The following RBMX2 variants were observed in gnomAD, a reference collection of about 807,000 sequenced individuals.
RBMX2 encodes RNA binding motif protein X-linked 2, also known as RNA-binding motif protein, X-linked 2.
For synonymous variants in RBMX2, 77 were observed against 94.3 expected, an observed-to-expected ratio of 0.82 and a Z score of 1.07; for missense variants, 191 against 256.0, an observed-to-expected ratio of 0.75 and a Z score of 1.73.
In RBMX2 at chrX:130,412,811, G is replaced by A. The variant is rs751656861; in HGVS notation, c.932G>A (p.Arg311Gln). Residue 311 changes from arginine (R) to glutamine (Q), a missense_variant, in exon 6 of 6, where the codon CGG (arginine) becomes CAG (glutamine). Coordinates refer to ENST00000305536, the MANE Select transcript of RBMX2 (RefSeq NM_016024.4). ...RHKRARRSRE[R>Q]ESSNPSDRWR... ...AAAAGGGCCCGACGCTCCCGGGAGC[G>A]GGAGTCTTCGAATCCCAGTGACCGT... The A allele has an allele frequency of 1.1e-5, 13 of 1,208,220 alleles. No individual in the cohort carries two copies. Among genetic ancestry groups the A allele is most frequent in the East Asian group, 8.9e-5 (3 of 33,735 alleles).
intron 3 of RBMX2, among the ~76,000 whole-genome samples, chrX:130,405,160 C>T (rs5977262): frequency 0.11 from 12,305 of 110,867 alleles, 1,713 homozygotes; most frequent in African/African-American, 0.38. Context: ...GGGCAGATCA[C>T]CTGAGGTCAG....
At position 130,412,965 on chromosome X, in the gene RBMX2, C is replaced by T; in HGVS notation, c.*117C>T. On this transcript the variant is annotated 3_prime_UTR_variant, in exon 6 of 6. Coordinates refer to ENST00000305536, the MANE Select transcript of RBMX2 (RefSeq NM_016024.4). ...TTCTGGGGCTGGATTCTTTTAATCC[C>T]TTGACTATTTAGAGTCATTGGGAGG... is the stretch of plus-strand genomic sequence containing the variant. 1.3e-6 allele frequency: 1 copy of T among 781,885 alleles called. No individual in the cohort carries two copies. Among genetic ancestry groups the T allele is most frequent in the African/African-American group, 2.1e-5 (1 of 47,267 alleles). 64.4% of individuals were successfully genotyped at this position (781,885 alleles called of 1,213,427 possible).
intron 2 of RBMX2, 91 bp downstream of exon 2, chrX:130,402,461 AC>A: frequency 9.0e-7 from 1 of 1,117,010 alleles, no homozygotes; most frequent in African/African-American, 1.8e-5. Flanking sequence ...ACTCCTGCTT[AC>A]ATTCATCGCC....
Position 130,409,362 on chromosome X carries a change from C to G in RBMX2, c.279C>G (p.Ala93=), listed in dbSNP as rs779160357. ...AAGACCAGAGGAGCACAATTCTGGC[C>G]GTCGACAATTTTAATGGGATCAAGG... The part of the protein sequence containing the change: ...CYEDQRSTIL[A]VDNFNGIKIK... Residue 93 remains alanine (A), a synonymous_variant, in exon 4 of 6, where the codon GCC becomes GCG. Transcript: ENST00000305536. The G allele has an allele frequency of 8.3e-7, 1 of 1,207,919 alleles. No individual in the cohort carries two copies. Among genetic ancestry groups the G allele is most frequent in the Non-Finnish European group, 1.1e-6 (1 of 893,831 alleles).
intron 3 of RBMX2, among the ~76,000 whole-genome samples, chrX:130,405,117 G>A (rs111869169): frequency 0.06 from 6,692 of 111,811 alleles, 529 homozygotes; most frequent in African/African-American, 0.2. Flanking sequence ...GGTGGCTCAC[G>A]CTTGTAATCC....
intron 3 of RBMX2, chrX:130,404,212 C>A: frequency 5.0e-6 from 1 of 200,795 alleles, no homozygotes. Context: ...ACCTGTGTGG[C>A]GTCATACGAT....
intron 3 of RBMX2, 36 bp downstream of exon 3, chrX:130,403,889 C>T (rs2034469910): frequency 1.7e-6 from 2 of 1,173,164 alleles, no homozygotes; most frequent in Non-Finnish European, 2.3e-6. Flanking sequence ...CCTGAGTCGA[C>T]AGAGTACTTT....
rs1382102275 is a variant in RBMX2, at chrX:130,413,268, G to T, written c.*420G>T. The stretch of plus-strand genomic sequence containing the variant: ...GGGATAGGATTTTTAAAATCAGCCA[G>T]CTCCATGCCCAAACCTTCCTGTTTG... On this transcript the variant is annotated 3_prime_UTR_variant, in exon 6 of 6. Transcript: ENST00000305536. 1 of 113,009 alleles carries T rather than the reference G, an allele frequency of 8.8e-6. No homozygotes were observed. Among genetic ancestry groups the T allele is most frequent in the African/African-American group, 3.2e-5 (1 of 30,859 alleles). The allele number at this position is 113,009 out of a possible 1,213,427, so 9.3% of individuals were successfully genotyped here.
intron 5 of RBMX2, 128 bp downstream of exon 5, chrX:130,411,653 G>A: frequency 1.5e-6 from 1 of 646,290 alleles, no homozygotes; most frequent in African/African-American, 2.2e-5. Flanking sequence ...GTTTAATTGG[G>A]AAAGCAGGGA....
At chrX:130,410,749 C>T (rs1603271813) in intron 4 of RBMX2, among the ~76,000 whole-genome samples, 1 of 112,075 alleles carries the variant, frequency 8.9e-6, no homozygotes, top group Non-Finnish European at 1.9e-5. Context: ...CAAGAATCAG[C>T]GTGAGCTGAT....
intron 3 of RBMX2, 25 bp downstream of exon 3, chrX:130,403,878 T>C: frequency 8.4e-7 from 1 of 1,191,889 alleles, no homozygotes. Flanking sequence ...ATTTCCTGCC[T>C]CCTGAGTCGA....
At chrX:130,408,507 C>T (rs1181706254) in intron 3 of RBMX2, among the ~76,000 whole-genome samples, 1 of 110,914 alleles carries the variant, frequency 9.0e-6, no homozygotes, top group Non-Finnish European at 1.9e-5. Flanking sequence ...TTTAATTTTG[C>T]TTCGTCTTCT....
chrX:130,402,224 T>TAACCAA, intron 1 of RBMX2, 31 bp from the exon 2 acceptor site: 9 of 1,174,309 alleles, frequency 7.7e-6, no homozygotes, highest in Non-Finnish European at 1.0e-5. Context: ...CTTTTCTGCC[T>TAACCAA]ACCCTCCCCA....
At position 130,402,350 on chromosome X, in the gene RBMX2, A is replaced by G; in HGVS notation, c.101A>G (p.Asp34Gly). The change falls in exon 2 of 6, where the codon GAC becomes GGC. Residue 34 changes from aspartate (D) to glycine (G), a missense_variant. Coordinates refer to ENST00000305536, the MANE Select transcript of RBMX2 (RefSeq NM_016024.4). ...DKVSWHSEYK[D>G]SAWIFLGGLP... ...GTGTCCTGGCACTCCGAGTACAAGG[A>G]CAGCGCCTGGATCTTCCTGGGTGAG... The G allele has an allele frequency of 1.7e-6, 2 of 1,207,830 alleles. No homozygotes were observed. The highest frequency in any genetic ancestry group is 2.2e-6 in the Non-Finnish European group (2 of 894,534).
chrX:130,402,434 C>T, intron 2 of RBMX2, 64 bp downstream of exon 2: 1 of 1,160,883 alleles, frequency 8.6e-7, no homozygotes, highest in African/African-American at 1.8e-5. Context: ...CCGACTATTT[C>T]GGCATTTTCA....
At chrX:130,412,227 T>C (rs2034516826) in intron 5 of RBMX2, 134 bp from the exon 6 acceptor site, 1 of 859,362 alleles carries the variant, frequency 1.2e-6, no homozygotes, top group Non-Finnish European at 1.6e-6. Flanking sequence ...CACCCGGCTG[T>C]GAATGTTTTT....
chrX:130,411,572 T>C, intron 5 of RBMX2, 47 bp downstream of exon 5: 3 of 1,032,453 alleles, frequency 2.9e-6, no homozygotes, highest in Non-Finnish European at 3.9e-6. Flanking sequence ...TCTTAATGTC[T>C]GCTCTTCCTT....
chrX:130,402,120 G>A lies in RBMX2; in HGVS notation c.5+83G>A, dbSNP rs1000235346. ...GGGACTGGTGTGGTAGAGCGTCTGC[G>A]GGGCCGAGGGGCGGGAGCGGCGCGG... On this transcript the variant is annotated intron_variant, in intron 1 of 5. Coordinates refer to ENST00000305536, the MANE Select transcript of RBMX2 (RefSeq NM_016024.4). 12 of 1,165,707 alleles carry A rather than the reference G, an allele frequency of 1.0e-5. No homozygotes were observed. In the African/African-American group the frequency reaches 1.2e-4, roughly 12 times the overall value.
At chrX:130,411,167 G>A in intron 4 of RBMX2, 181 bp from the exon 5 acceptor site, 1 of 358,998 alleles carries the variant, frequency 2.8e-6, no homozygotes, top group Non-Finnish European at 4.7e-6. Context: ...AGAGCTGAAT[G>A]TATTAATATT....
Sources: gnomAD v4.1 joint callset for allele counts (sites outside exome capture counted in the v4.1 genomes callset) on GRCh38, gnomAD v4.1.1 for gene constraint, MANE v1.5 for transcripts, NCBI Gene and HGNC (gene_info 2026-07-23, HGNC 2026-07-21) for gene names.